The following MBP variants were observed in gnomAD, a reference collection of about 807,000 sequenced individuals.
The protein encoded by MBP is Golli-MBP.
MBP carries 16 observed loss-of-function variants against 35.8 expected under a neutral mutation model. The observed-to-expected ratio is 0.45, with a 90% CI of 0.30 to 0.68. MBP has a LOEUF of 0.68. Among genes scored for constraint, MBP ranks in the 30% least tolerant of loss-of-function variants. The pLI is 0.08. For missense variants in MBP, 380 were observed against 404.7 expected, an observed-to-expected ratio of 0.94 and a Z score of 0.52; for synonymous variants, 143 against 159.6, an observed-to-expected ratio of 0.90 and a Z score of 0.78.
chr18:77,010,531 A>G (rs1415060294), intron 4 of MBP, among the ~76,000 whole-genome samples: 2 of 152,248 alleles, frequency 1.3e-5, no homozygotes, highest in African/African-American at 4.8e-5. Context: ...TCTGCAGAGC[A>G]TGAGGAAATA....
chr18:77,060,577 A>G (rs565299672), intron 3 of MBP, among the ~76,000 whole-genome samples: 52 of 150,634 alleles, frequency 3.5e-4, no homozygotes, highest in Non-Finnish European at 5.5e-4. Context: ...CAGCCTTCCA[A>G]GTAGCCAGGA....
At chr18:77,107,096 T>G (rs113843388) in intron 1 of MBP, among the ~76,000 whole-genome samples, 1,631 of 152,304 alleles carry the variant, frequency 0.011, 25 homozygotes, top group African/African-American at 0.036. Flanking sequence ...TTGTTTTAAC[T>G]AAATATTAAG....
chr18:77,079,140 G>A (rs1356836384), intron 2 of MBP, among the ~76,000 whole-genome samples: 1 of 152,258 alleles, frequency 6.6e-6, no homozygotes, highest in Non-Finnish European at 1.5e-5. Flanking sequence ...CGGTTCCAAC[G>A]TGCTCAGAGT....
chr18:77,122,087 C>T (rs1976900668), intron 1 of MBP, among the ~76,000 whole-genome samples: 1 of 152,200 alleles, frequency 6.6e-6, no homozygotes, highest in Non-Finnish European at 1.5e-5. Flanking sequence ...AAAGTATAGG[C>T]TCTTGCTGTG....
intron 3 of MBP, among the ~76,000 whole-genome samples, chr18:77,063,077 A>G (rs78354349): frequency 0.038 from 5,749 of 152,316 alleles, 135 homozygotes; most frequent in East Asian, 0.1. Context: ...TGTCAAGGAA[A>G]GACCTTTTCC....
At chr18:77,117,029 C>A (rs1976691576) in intron 1 of MBP, among the ~76,000 whole-genome samples, 1 of 152,196 alleles carries the variant, frequency 6.6e-6, no homozygotes, top group African/African-American at 2.4e-5. Flanking sequence ...TTTCTTGATA[C>A]TTGAAGTCCT....
At chr18:77,042,940 G>C (rs1216281189) in intron 3 of MBP, among the ~76,000 whole-genome samples, 1 of 152,236 alleles carries the variant, frequency 6.6e-6, no homozygotes, top group Non-Finnish European at 1.5e-5. Context: ...ATAATAATTA[G>C]TCAAATGGGA....
In MBP at chr18:76,988,348, G is replaced by A. The variant is rs1383332348; in HGVS notation, c.750+147C>T. 10 of 1,605,910 alleles carry A rather than the reference G, an allele frequency of 6.2e-6. No individual in the cohort carries two copies. The highest frequency in any genetic ancestry group is 1.3e-5 in the African/African-American group (1 of 74,840). On this transcript the variant is annotated intron_variant, in intron 7 of 8. Coordinates refer to ENST00000355994, the MANE Select transcript of MBP (RefSeq NM_001025101.2). This position sits in a 1 kb window ranked among gnomAD's most constrained non-coding sequence, Gnocchi z 5.2. ...TCATTTCCCCAGTGGAAGACAAGGC[G>A]GCCCGATCCCAGCTGTGGGCAGAGA...
Position 76,988,102 on chromosome 18 carries a change from G to T in MBP, c.750+393C>A. 6.6e-7 allele frequency: 1 copy of T among 1,503,996 alleles called. No individual in the cohort carries two copies. Among genetic ancestry groups the T allele is most frequent in the Non-Finnish European group, 8.9e-7 (1 of 1,127,666 alleles). 93.2% of individuals were successfully genotyped at this position (1,503,996 alleles called of 1,614,324 possible). On this transcript the variant is annotated intron_variant, in intron 7 of 8. Transcript: ENST00000355994. This position sits in a 1 kb window ranked among gnomAD's most constrained non-coding sequence, Gnocchi z 5.2. ...TCAGCATCTGGGGTCACTGAGACGGGCCAGCCAGTCCCACTTCCACATGCG... is the reference window on the plus strand; with the variant it reads ...TCAGCATCTGGGGTCACTGAGACGGTCCAGCCAGTCCCACTTCCACATGCG...
At chr18:77,120,599 C>T (rs1599278895) in intron 1 of MBP, among the ~76,000 whole-genome samples, 2 of 152,326 alleles carry the variant, frequency 1.3e-5, no homozygotes, top group East Asian at 3.9e-4. Flanking sequence ...GACTATTTTA[C>T]AAAACGCATT....
chr18:77,131,904 G>A lies in MBP; in HGVS notation c.-26+676C>T, dbSNP rs1260140214. Among the ~76,000 whole-genome samples, 2 of 152,208 alleles carry A rather than the reference G, an allele frequency of 1.3e-5. No homozygotes were observed. The highest frequency in any genetic ancestry group is 3.9e-4 in the East Asian group (2 of 5,156). On this transcript the variant is annotated intron_variant, in intron 1 of 8. Transcript: ENST00000355994. This position sits in a 1 kb window ranked among gnomAD's most constrained non-coding sequence, Gnocchi z 5.5. ...GGGCGCAGCGACGGGCCCGGCCGAAGAGCCCGAGACAGGCCCTGCGAAGGC... is the reference window on the plus strand; with the variant it reads ...GGGCGCAGCGACGGGCCCGGCCGAAAAGCCCGAGACAGGCCCTGCGAAGGC...
intron 4 of MBP, chr18:77,014,839 C>G: frequency 2.0e-6 from 2 of 985,318 alleles, no homozygotes; most frequent in Non-Finnish European, 2.4e-6. Context: ...AAAGGGCAAG[C>G]CTGTTCATTA....
At chr18:77,004,796 A>T (rs184104260) in intron 4 of MBP, 1 of 152,440 alleles carries the variant, frequency 6.6e-6, no homozygotes, top group East Asian at 1.9e-4. Context: ...GCCCCATGAC[A>T]GGAAGGATCA....
intron 3 of MBP, among the ~76,000 whole-genome samples, chr18:77,062,838 A>G (rs1974037178): frequency 6.6e-6 from 1 of 152,192 alleles, no homozygotes; most frequent in Non-Finnish European, 1.5e-5. Context: ...CTGAAATACA[A>G]CACTATTGCC....
At chr18:76,982,440 C>T (rs1460458683) in intron 8 of MBP, 1 of 152,282 alleles carries the variant, frequency 6.6e-6, no homozygotes, top group Admixed American at 6.5e-5. Flanking sequence ...CACAACTCCA[C>T]AGCAACACTA....
Position 76,979,035 on chromosome 18 carries a change from G to A in MBP, c.*1392C>T, listed in dbSNP as rs1969040946. 6.6e-6 allele frequency: 1 copy of A among 152,058 alleles called. No homozygotes were observed. Among genetic ancestry groups the A allele is most frequent in the Non-Finnish European group, 1.5e-5 (1 of 68,004 alleles). 9.4% of individuals were successfully genotyped at this position (152,058 alleles called of 1,614,324 possible). A position where few individuals can be genotyped will look rare whatever the true frequency, so the allele number is the denominator to read the frequency against. On this transcript the variant is annotated 3_prime_UTR_variant, in exon 9 of 9. Coordinates refer to ENST00000355994, the MANE Select transcript of MBP (RefSeq NM_001025101.2). ...TGTTCTTTGTAACTCTCTCATCATCGAGGCTATATATTAATAGACATGGTA... is the reference window on the plus strand; with the variant it reads ...TGTTCTTTGTAACTCTCTCATCATCAAGGCTATATATTAATAGACATGGTA...
At position 77,102,204 on chromosome 18, in the gene MBP, G is replaced by A. The variant is rs1249874039; in HGVS notation, c.51+3007C>T. Among the ~76,000 whole-genome samples the A allele has an allele frequency of 6.6e-6, 1 of 152,172 alleles. No homozygotes were observed. Among genetic ancestry groups the A allele is most frequent in the African/African-American group, 2.4e-5 (1 of 41,440 alleles). ...AGCCTGGGCCGGGCAGTGGGGCAGAGGCAGTGTGTGGGGTAGACCGGGCAG... is the reference window on the plus strand; with the variant it reads ...AGCCTGGGCCGGGCAGTGGGGCAGAAGCAGTGTGTGGGGTAGACCGGGCAG... On this transcript the variant is annotated intron_variant, in intron 2 of 8. Transcript: ENST00000355994. This position sits in a 1 kb window ranked among gnomAD's most constrained non-coding sequence, Gnocchi z 4.4.
chr18:77,029,166 C>G (rs1295182100), intron 3 of MBP, among the ~76,000 whole-genome samples: 2 of 122,918 alleles, frequency 1.6e-5, no homozygotes, highest in African/African-American at 5.2e-5. Flanking sequence ...CCCGGCACCT[C>G]GGGAGGCCGA....
chr18:77,039,710 T>C (rs1188121316), intron 3 of MBP, among the ~76,000 whole-genome samples: 2 of 152,172 alleles, frequency 1.3e-5, no homozygotes, highest in Non-Finnish European at 2.9e-5. Context: ...AAGAAAGTTG[T>C]TTCTTAGACA....
Sources: gnomAD v4.1 joint callset for allele counts (sites outside exome capture counted in the v4.1 genomes callset) on GRCh38, gnomAD v4.1.1 for gene constraint, Gnocchi (gnomAD v3.1) non-coding constraint, MANE v1.5 for transcripts, NCBI Gene and HGNC (gene_info 2026-07-23, HGNC 2026-07-21) for gene names.